The following EIF4E variants were observed in gnomAD, a reference collection of about 807,000 sequenced individuals.
EIF4E encodes eukaryotic translation initiation factor 4E.
For synonymous variants in EIF4E, 71 were observed against 88.5 expected (o/e 0.80, Z 1.11); for missense variants, 113 against 265.6 (o/e 0.43, Z 3.99).
At chr4:98,895,554 G>C (rs1286272098) in intron 2 of EIF4E, 1 of 152,032 alleles carries the variant, frequency 6.6e-6, no homozygotes, top group East Asian at 1.9e-4. Flanking sequence ...TTAATGCTTG[G>C]TAACTTCACC....
At chr4:98,922,604 T>A (rs1725695774) in intron 1 of EIF4E, among the ~76,000 whole-genome samples, 1 of 151,672 alleles carries the variant, frequency 6.6e-6, no homozygotes, top group Non-Finnish European at 1.5e-5. Context: ...AAGCATTCAG[T>A]GTGGTACTTA....
chr4:98,898,516 A>G (rs1159202823), intron 2 of EIF4E, among the ~76,000 whole-genome samples: 3 of 151,962 alleles, frequency 2.0e-5, no homozygotes, highest in African/African-American at 7.3e-5. Flanking sequence ...GCTGAGGCAG[A>G]AGAATCGCTT....
chr4:98,894,932 C>CT (rs1724310545), intron 2 of EIF4E, among the ~76,000 whole-genome samples: 1 of 152,206 alleles, frequency 6.6e-6, no homozygotes, highest in African/African-American at 2.4e-5. Context: ...GTAGAGGCCA[C>CT]TGTAGGGCTA....
intron 2 of EIF4E, 141 bp downstream of exon 2, chr4:98,901,735 T>C: frequency 3.8e-6 from 3 of 790,468 alleles, no homozygotes; most frequent in Non-Finnish European, 6.7e-6. Context: ...CTGCTGGTCA[T>C]GGGTCATCCA....
chr4:98,882,715 G>A (rs1368288941), intron 6 of EIF4E, among the ~76,000 whole-genome samples: 1 of 150,618 alleles, frequency 6.6e-6, no homozygotes, highest in Non-Finnish European at 1.5e-5. Flanking sequence ...CAAATTGGAA[G>A]GTTAAAAAAG....
At position 98,896,486 on chromosome 4, in the gene EIF4E, C is replaced by CAAAAAAAAA. The variant is rs59729154; in HGVS notation, c.126-5163_126-5155dup. The stretch of plus-strand genomic sequence containing the variant: ...CAACATAGCAAGACCCCGCATCTCT[C>CAAAAAAAAA]AAAAAAAAAAAAAAAAAAAAAAAAC... On this transcript the variant is annotated intron_variant, in intron 2 of 6. Transcript: ENST00000450253. Among the ~76,000 whole-genome samples, 85 of 39,000 alleles carry CAAAAAAAAA rather than the reference C, an allele frequency of 2.2e-3. 4 individuals carry two copies. The highest frequency in any genetic ancestry group is 9.6e-3 in the African/African-American group (79 of 8,202). 25.6% of individuals were successfully genotyped at this position (39,000 alleles called of 152,430 possible). A position where few individuals can be genotyped will look rare whatever the true frequency, so the allele number is the denominator to read the frequency against.
rs770337295 is a variant in EIF4E at position 98,884,932 on chromosome 4, T to C, written c.529A>G (p.Thr177Ala). 1 of 1,612,782 alleles carries C rather than the reference T, an allele frequency of 6.2e-7. No individual in the cohort carries two copies. The highest frequency in any genetic ancestry group is 8.5e-7 in the Non-Finnish European group (1 of 1,179,836). The part of the protein sequence containing the change: ...TTECENREAV[T>A]HIGRVYKERL... ...AAGAGCAAAACTTACCCTATATGTG[T>C]AACAGCTTCTCTGTTTTCACATTCA... Residue 177 changes from threonine (T) to alanine (A), a missense_variant, in exon 6 of 7, where the codon ACA becomes GCA. Physicochemically the swap from Thr to Ala is moderately conservative, Grantham distance 58 (BLOSUM62 0). Transcript: ENST00000450253.
rs1161988345 is a variant in EIF4E, at chr4:98,887,364, A to G, written c.286-172T>C. ...TAAGACTTAAAGCCAGAGGCATGAC[A>G]TTGCAGAATTAGAGTCCTGGCTTTG... On this transcript the variant is annotated intron_variant, in intron 4 of 6. Transcript: ENST00000450253. This position sits in a 1 kb window ranked among gnomAD's most constrained non-coding sequence, Gnocchi z 4.0. 6.6e-6 allele frequency among the ~76,000 whole-genome samples: 1 copy of G among 152,212 alleles called. No homozygotes were observed. Among genetic ancestry groups the G allele is most frequent in the Non-Finnish European group, 1.5e-5 (1 of 68,042 alleles).
At chr4:98,928,387 T>G (rs1009937884) in intron 1 of EIF4E, among the ~76,000 whole-genome samples, 7 of 152,076 alleles carry the variant, frequency 4.6e-5, no homozygotes, top group Non-Finnish European at 8.8e-5. Context: ...AGCTTCACCG[T>G]GACACACGAG....
At chr4:98,903,161 A>G (rs1468728464) in intron 1 of EIF4E, among the ~76,000 whole-genome samples, 1 of 152,228 alleles carries the variant, frequency 6.6e-6, no homozygotes, top group Non-Finnish European at 1.5e-5. Context: ...TGTTGTCAAC[A>G]AAAGAAGAGA....
At position 98,901,978 on chromosome 4, in the gene EIF4E, G is replaced by A. The variant is rs780217614; in HGVS notation, c.23C>T (p.Thr8Ile). The A allele has an allele frequency of 6.2e-7, 1 of 1,612,676 alleles. No homozygotes were observed. Among genetic ancestry groups the A allele is most frequent in the Non-Finnish European group, 8.5e-7 (1 of 1,178,972 alleles). The change falls in exon 2 of 7, where the codon ACC becomes ATC. Residue 8 changes from threonine to isoleucine, a missense_variant. By Grantham distance (89) the Thr-to-Ile change is moderately conservative (BLOSUM62 -1). Transcript: ENST00000450253. ...AGTCGGGGGATTAGGAGTAGGGGTG[G>A]TTTCCTAGTGGAAAATAATATAAAA... MATVEPE[T>I]TPTPNPPTTE...
At chr4:98,908,464 A>G (rs1460339815) in intron 1 of EIF4E, among the ~76,000 whole-genome samples, 1 of 152,198 alleles carries the variant, frequency 6.6e-6, no homozygotes, top group Non-Finnish European at 1.5e-5. Context: ...CTGTGTCCAT[A>G]TTAGAAATGT....
chr4:98,887,019 T>G lies in EIF4E; in HGVS notation c.399+60A>C. On this transcript the variant is annotated intron_variant, in intron 5 of 6. Coordinates refer to ENST00000450253, the MANE Select transcript of EIF4E (RefSeq NM_001968.5). The surrounding 1 kb of genome is among the most constrained non-coding windows in gnomAD (Gnocchi z 4.0). ...AGTAACAAATGTAAAACATAACATA[T>G]CTTAAGTATCAGTATTCCAAAACTA... The G allele has an allele frequency of 1.3e-6, 2 of 1,486,512 alleles. No individual in the cohort carries two copies. The highest frequency in any genetic ancestry group is 1.9e-6 in the Non-Finnish European group (2 of 1,066,174). The allele number at this position is 1,486,512 out of a possible 1,614,324, so 92.1% of individuals were successfully genotyped here.
In EIF4E at chr4:98,912,121, G is replaced by A. The variant is rs903620002; in HGVS notation, c.19-10139C>T. On this transcript the variant is annotated intron_variant, in intron 1 of 6. Transcript: ENST00000450253. ...CACAAAATTAGCTGGGCATGGTGGCGCATGCCTGTAATCCCAGTTACTTGG... is the reference window on the plus strand; with the variant it reads ...CACAAAATTAGCTGGGCATGGTGGCACATGCCTGTAATCCCAGTTACTTGG... Among the ~76,000 whole-genome samples the A allele has an allele frequency of 5.9e-5, 9 of 151,314 alleles. 1 individual carries two copies. The highest frequency in any genetic ancestry group is 1.9e-4 in the East Asian group (1 of 5,138).
chr4:98,887,528 GA>G lies in EIF4E; in HGVS notation c.286-337del, dbSNP rs1167539978. Among the ~76,000 whole-genome samples the G allele has an allele frequency of 6.6e-6, 1 of 152,124 alleles. No individual in the cohort carries two copies. Among genetic ancestry groups the G allele is most frequent in the Non-Finnish European group, 1.5e-5 (1 of 68,018 alleles). Reference sequence around the variant, plus strand: ...CAAAAACTATGCAATTTCAGTTAATGAATGTCCCGTCCCTCTACCAACTGAC... The same window carrying G: ...CAAAAACTATGCAATTTCAGTTAATGATGTCCCGTCCCTCTACCAACTGAC... On this transcript the variant is annotated intron_variant, in intron 4 of 6. Coordinates refer to ENST00000450253, the MANE Select transcript of EIF4E (RefSeq NM_001968.5). The surrounding 1 kb of genome is among the most constrained non-coding windows in gnomAD (Gnocchi z 4.0).
At chr4:98,890,941 C>T in intron 3 of EIF4E, 1 of 416,992 alleles carries the variant, frequency 2.4e-6, no homozygotes, top group Non-Finnish European at 4.4e-6. Flanking sequence ...ATCTTGGCAA[C>T]CAGGAGTGGA....
At chr4:98,883,743 G>GA (rs1186496590) in intron 6 of EIF4E, among the ~76,000 whole-genome samples, 5 of 151,358 alleles carry the variant, frequency 3.3e-5, no homozygotes, top group Non-Finnish European at 7.4e-5. Flanking sequence ...AGAAATCTTA[G>GA]AAAAAAAATG....
intron 1 of EIF4E, among the ~76,000 whole-genome samples, chr4:98,914,788 T>C (rs1725308862): frequency 6.6e-6 from 1 of 152,148 alleles, no homozygotes; most frequent in Non-Finnish European, 1.5e-5. Context: ...TGGGTGACAA[T>C]AACGTCAATT....
intron 1 of EIF4E, chr4:98,909,530 A>G (rs1320352808): frequency 1.6e-6 from 1 of 619,136 alleles, no homozygotes; most frequent in Admixed American, 3.2e-5. Context: ...CCCTGTACAT[A>G]AAAGTTTCAG....
Sources: gnomAD v4.1 joint callset for allele counts (sites outside exome capture counted in the v4.1 genomes callset) on GRCh38, gnomAD v4.1.1 for gene constraint, Gnocchi (gnomAD v3.1) non-coding constraint, MANE v1.5 for transcripts, NCBI Gene and HGNC (gene_info 2026-07-23, HGNC 2026-07-21) for gene names.